Variants in NSD3 observed in about 807,000 individuals in gnomAD.
NSD3 encodes the protein histone-lysine N-methyltransferase NSD3.
A neutral mutation model predicts 160.8 loss-of-function variants in NSD3; 24 were observed. That is an observed-to-expected ratio of 0.15 (90% CI 0.11 to 0.21). The LOEUF (loss-of-function observed/expected upper bound fraction) is 0.21, where lower values mean the gene tolerates loss of function less well. Ranked by LOEUF, NSD3 falls within the 10% of genes least tolerant of loss-of-function variation. NSD3 has a pLI of 1.00. For missense variants in NSD3, 1,157 were observed against 1,735.9 expected, an observed-to-expected ratio of 0.67 and a Z score of 5.93; for synonymous variants, 520 against 600.0, an observed-to-expected ratio of 0.87 and a Z score of 1.95.
At chr8:38,278,436 T>A (rs752127616) in intron 21 of NSD3, 24 bp from the exon 22 acceptor site, 1 of 1,581,794 alleles carries the variant, frequency 6.3e-7, no homozygotes, top group Non-Finnish European at 8.6e-7. Context: ...GAAATAATTA[T>A]TCAAACTCGA....
chr8:38,283,181 C>T (rs1245313602), intron 19 of NSD3, among the ~76,000 whole-genome samples: 1 of 152,122 alleles, frequency 6.6e-6, no homozygotes, highest in Non-Finnish European at 1.5e-5. Flanking sequence ...GTGATAAGCT[C>T]CTTTTAAAAT....
intron 2 of NSD3, among the ~76,000 whole-genome samples, chr8:38,342,568 C>A (rs978723423): frequency 2.0e-5 from 3 of 151,574 alleles, no homozygotes; most frequent in Admixed American, 2.0e-4. Context: ...CAAATTTTAG[C>A]CTAGTACTTT....
chr8:38,342,405 C>A (rs1452085000), intron 2 of NSD3, among the ~76,000 whole-genome samples: 1 of 152,060 alleles, frequency 6.6e-6, no homozygotes, highest in East Asian at 1.9e-4. Context: ...AGTGAGTTAG[C>A]TCTCCTTAAT....
intron 1 of NSD3, among the ~76,000 whole-genome samples, chr8:38,350,826 A>G (rs1011040329): frequency 6.6e-6 from 1 of 152,196 alleles, no homozygotes; most frequent in African/African-American, 2.4e-5. Flanking sequence ...TAATAACGTT[A>G]CAATATAGAT....
intron 1 of NSD3, among the ~76,000 whole-genome samples, chr8:38,362,188 A>AACTAT (rs1435205820): frequency 6.9e-6 from 1 of 144,252 alleles, no homozygotes; most frequent in Admixed American, 7.3e-5. Context: ...TCCCAGAGCC[A>AACTAT]ACTATAGTGC....
chr8:38,342,548 T>C (rs767865425), intron 2 of NSD3, among the ~76,000 whole-genome samples: 2 of 152,092 alleles, frequency 1.3e-5, no homozygotes, highest in African/African-American at 2.4e-5. Flanking sequence ...TTATCCTAAA[T>C]ATTCCTTTAC....
At chr8:38,286,040 G>A (rs1413050508) in intron 19 of NSD3, among the ~76,000 whole-genome samples, 5 of 152,168 alleles carry the variant, frequency 3.3e-5, no homozygotes, top group African/African-American at 1.2e-4. Context: ...CTGCCTGCTG[G>A]TGTTCATGCC....
intron 1 of NSD3, among the ~76,000 whole-genome samples, chr8:38,355,099 A>T (rs866389942): frequency 1.7e-4 from 26 of 152,126 alleles, no homozygotes; most frequent in African/African-American, 5.8e-4. Flanking sequence ...ACCTTACTAG[A>T]TTAGGGGGCT....
chr8:38,278,010 C>T (rs1366608125), intron 22 of NSD3, among the ~76,000 whole-genome samples: 2 of 150,954 alleles, frequency 1.3e-5, no homozygotes, highest in Admixed American at 6.6e-5. Flanking sequence ...GCGATCTTGG[C>T]TCACTGCAAG....
chr8:38,283,793 C>T (rs771747955), intron 19 of NSD3, among the ~76,000 whole-genome samples: 1 of 152,084 alleles, frequency 6.6e-6, no homozygotes, highest in Non-Finnish European at 1.5e-5. Flanking sequence ...ACTGTATAAG[C>T]TATGATATGG....
At chr8:38,352,085 A>G (rs2150386241) in intron 1 of NSD3, among the ~76,000 whole-genome samples, 1 of 152,254 alleles carries the variant, frequency 6.6e-6, no homozygotes, top group Middle Eastern at 3.4e-3. Flanking sequence ...AGAATCATTA[A>G]CAATGCCTAT....
At chr8:38,339,547 AAACCCC>A in intron 2 of NSD3, among the ~76,000 whole-genome samples, 1 of 152,230 alleles carries the variant, frequency 6.6e-6, no homozygotes, top group South Asian at 2.1e-4. Flanking sequence ...CAACATGGTG[AAACCCC>A]GTCTCTACTA....
At chr8:38,351,365 T>C (rs566989129) in intron 1 of NSD3, among the ~76,000 whole-genome samples, 1 of 151,512 alleles carries the variant, frequency 6.6e-6, no homozygotes, top group Non-Finnish European at 1.5e-5. Flanking sequence ...CCTAGAATAC[T>C]GTGAAGAAGG....
chr8:38,295,603 A>G (rs1809116381), intron 16 of NSD3, among the ~76,000 whole-genome samples, 193 bp downstream of exon 16: 1 of 152,162 alleles, frequency 6.6e-6, no homozygotes, highest in Admixed American at 6.5e-5. Context: ...AAGAAATTCA[A>G]TAATGAATTA....
chr8:38,343,964 C>A (rs950316527), intron 2 of NSD3, among the ~76,000 whole-genome samples: 3 of 152,120 alleles, frequency 2.0e-5, no homozygotes, highest in African/African-American at 7.2e-5. Flanking sequence ...ATAGGGCCTA[C>A]GCTCACATGC....
chr8:38,358,856 G>A (rs1418226915), intron 1 of NSD3, among the ~76,000 whole-genome samples: 1 of 152,028 alleles, frequency 6.6e-6, no homozygotes, highest in East Asian at 1.9e-4. Flanking sequence ...CATCAAGGGA[G>A]ATTCTCGTTT....
intron 14 of NSD3, among the ~76,000 whole-genome samples, chr8:38,304,106 C>T (rs933584456): frequency 3.9e-5 from 6 of 152,200 alleles, no homozygotes; most frequent in Non-Finnish European, 7.3e-5. Flanking sequence ...TGTGTCCCAT[C>T]AGGCCCTCCT....
intron 1 of NSD3, among the ~76,000 whole-genome samples, chr8:38,377,020 T>G (rs565680373): frequency 6.6e-6 from 1 of 152,232 alleles, no homozygotes; most frequent in Non-Finnish European, 1.5e-5. Context: ...AAGCTGTGGA[T>G]CCATATGTAC....
chr8:38,279,866 G>A (rs1808692153), intron 20 of NSD3, 185 bp from the exon 21 acceptor site: 2 of 590,272 alleles, frequency 3.4e-6, no homozygotes, highest in Non-Finnish European at 5.7e-6. Context: ...TGACCTTCAA[G>A]TCAAAGTAAT....
Sources: allele counts gnomAD v4.1 joint callset (sites outside exome capture counted in the v4.1 genomes callset), GRCh38; gene constraint gnomAD v4.1.1; transcripts MANE v1.5; gene names NCBI Gene and HGNC (gene_info 2026-07-23, HGNC 2026-07-21).